The following CDC14A variants were observed in gnomAD, a reference collection of about 807,000 sequenced individuals.
CDC14A encodes the protein dual specificity protein phosphatase CDC14A.
Under a neutral mutation model 74.4 loss-of-function variants are expected in CDC14A, and 53 were observed. The observed-to-expected ratio is 0.71, with a 90% confidence interval of 0.57 to 0.89. The LOEUF (loss-of-function observed/expected upper bound fraction) is 0.89, where lower values mean the gene tolerates loss of function less well. Among genes scored for constraint, CDC14A ranks in the 40% least tolerant of loss-of-function variants. The probability of loss-of-function intolerance (pLI) is 0.00; values close to 1 mark genes in which losing one functional copy is unlikely to be tolerated. For missense variants in CDC14A, 646 were observed against 713.7 expected, an observed-to-expected ratio of 0.91 and a Z score of 1.08; for synonymous variants, 247 against 258.4, an observed-to-expected ratio of 0.96 and a Z score of 0.43.
At chr1:100,384,523 C>G (rs1348661358) in intron 3 of CDC14A, among the ~76,000 whole-genome samples, 1 of 152,112 alleles carries the variant, frequency 6.6e-6, no homozygotes, top group Non-Finnish European at 1.5e-5. Context: ...TATTCATTAG[C>G]CTTTGAGGTT....
intron 5 of CDC14A, among the ~76,000 whole-genome samples, chr1:100,435,665 C>T (rs769341955): frequency 5.3e-5 from 8 of 151,690 alleles, no homozygotes; most frequent in Non-Finnish European, 8.8e-5. Context: ...CCTGTCTCTA[C>T]GAAAAATACA....
chr1:100,465,160 A>C (rs929339075), intron 9 of CDC14A, among the ~76,000 whole-genome samples: 5 of 151,918 alleles, frequency 3.3e-5, no homozygotes, highest in Non-Finnish European at 7.4e-5. Context: ...TAACCTCAGG[A>C]GAATGTTGGC....
At chr1:100,427,952 G>C (rs1663154408) in intron 5 of CDC14A, among the ~76,000 whole-genome samples, 1 of 152,126 alleles carries the variant, frequency 6.6e-6, no homozygotes, top group Non-Finnish European at 1.5e-5. Context: ...TTCATGTTAG[G>C]ATGAAAACTG....
intron 2 of CDC14A, 90 bp downstream of exon 2, chr1:100,353,942 A>AT (rs1570934214): frequency 1.4e-6 from 1 of 713,530 alleles, no homozygotes; most frequent in East Asian, 2.7e-5. Flanking sequence ...AGTTTTATTC[A>AT]TTTCCCCCCC....
At chr1:100,434,808 C>T (rs575527896) in intron 5 of CDC14A, among the ~76,000 whole-genome samples, 37 of 152,134 alleles carry the variant, frequency 2.4e-4, no homozygotes, top group African/African-American at 8.0e-4. Context: ...TTAAGACACC[C>T]GAACGGAAAT....
At chr1:100,473,176 T>C (rs1668552533) in intron 10 of CDC14A, among the ~76,000 whole-genome samples, 1 of 152,112 alleles carries the variant, frequency 6.6e-6, no homozygotes, top group Admixed American at 6.5e-5. Context: ...TTTACTATTG[T>C]TGAGTCTTCT....
At chr1:100,455,011 G>C (rs1396959897) in intron 7 of CDC14A, among the ~76,000 whole-genome samples, 1 of 152,120 alleles carries the variant, frequency 6.6e-6, no homozygotes, top group Non-Finnish European at 1.5e-5. Context: ...GATATTTACA[G>C]ATGTTTTTTC....
At chr1:100,511,207 G>C (rs1649750205) in intron 15 of CDC14A, among the ~76,000 whole-genome samples, 2 of 152,288 alleles carry the variant, frequency 1.3e-5, no homozygotes, top group Admixed American at 1.3e-4. Flanking sequence ...CATCCAAGTT[G>C]GTAGGCTGGT....
chr1:100,356,355 A>G (rs1283170694), intron 2 of CDC14A, among the ~76,000 whole-genome samples: 1 of 152,156 alleles, frequency 6.6e-6, no homozygotes, highest in Non-Finnish European at 1.5e-5. Context: ...TTTCACAACA[A>G]TTCTGTGAGA....
chr1:100,484,877 A>T (rs11166458), intron 11 of CDC14A: 359,234 of 969,568 alleles, frequency 0.37, 69,610 homozygotes, highest in Non-Finnish European at 0.4. Context: ...GCACTTTTTT[A>T]AAAAAAAATT....
intron 2 of CDC14A, among the ~76,000 whole-genome samples, chr1:100,358,545 A>G (rs1652237275): frequency 6.6e-6 from 1 of 152,254 alleles, no homozygotes; most frequent in African/African-American, 2.4e-5. Context: ...AGAGCTCTTT[A>G]GGGAGAAACT....
At chr1:100,393,150 A>C in intron 4 of CDC14A, 1 of 1,529,062 alleles carries the variant, frequency 6.5e-7, no homozygotes. Flanking sequence ...TACTACAGAT[A>C]TCCAATTTGA....
chr1:100,350,336 G>A (rs1301249677), upstream of CDC14A, among the ~76,000 whole-genome samples: 1 of 152,066 alleles, frequency 6.6e-6, no homozygotes, highest in Non-Finnish European at 1.5e-5. Context: ...CAGGTGATCC[G>A]CAGGCCTTGG....
At chr1:100,465,428 T>C (rs1328088517) in intron 9 of CDC14A, among the ~76,000 whole-genome samples, 1 of 152,242 alleles carries the variant, frequency 6.6e-6, no homozygotes, top group Admixed American at 6.5e-5. Flanking sequence ...ACACCTTTGG[T>C]TTAATTACAG....
intron 8 of CDC14A, among the ~76,000 whole-genome samples, chr1:100,457,389 T>C (rs1201880022): frequency 6.6e-6 from 1 of 152,206 alleles, no homozygotes; most frequent in African/African-American, 2.4e-5. Flanking sequence ...CATGTAATCA[T>C]TTTCCACGAC....
chr1:100,394,717 C>A (rs1658226032), intron 4 of CDC14A, among the ~76,000 whole-genome samples: 1 of 152,134 alleles, frequency 6.6e-6, no homozygotes, highest in Non-Finnish European at 1.5e-5. Flanking sequence ...GGTCATGTCC[C>A]AATTGATTTT....
chr1:100,484,209 G>A (rs1479255180), intron 10 of CDC14A, 83 bp from the exon 11 acceptor site: 1 of 666,392 alleles, frequency 1.5e-6, no homozygotes, highest in African/African-American at 1.9e-5. Context: ...TCCTTTATAA[G>A]ACATCATACC....
rs746582205 is a variant in CDC14A, at chr1:100,499,233, T to C, written c.1726T>C (p.Ser576Pro). Reference sequence around the variant, plus strand: ...CTCCTACACCGGGCTTTCTTCTTCTTCAGCGAGATTCCTGAGCCGTTCTAT... The same window carrying C: ...CTCCTACACCGGGCTTTCTTCTTCTCCAGCGAGATTCCTGAGCCGTTCTAT... ...RPSYTGLSSS[S>P]ARFLSRSIPS... Residue 576 changes from serine to proline, a missense_variant, in exon 15 of 16, where the codon TCA becomes CCA. Physicochemically the swap from Ser to Pro is moderately conservative, Grantham distance 74. Coordinates refer to ENST00000336454, the MANE Select transcript of CDC14A (RefSeq NM_003672.4). The C allele has an allele frequency of 6.2e-7, 1 of 1,614,148 alleles. No individual in the cohort carries two copies. Among genetic ancestry groups the C allele is most frequent in the Non-Finnish European group, 8.5e-7 (1 of 1,180,020 alleles).
intron 4 of CDC14A, chr1:100,393,252 T>A (rs187040708): frequency 6.8e-7 from 1 of 1,479,282 alleles, no homozygotes; most frequent in East Asian, 2.3e-5. Flanking sequence ...CTTCTGAAGT[T>A]CTTTCTGTGC....
Sources: allele counts gnomAD v4.1 joint callset (sites outside exome capture counted in the v4.1 genomes callset), GRCh38; gene constraint gnomAD v4.1.1; transcripts MANE v1.5; gene names NCBI Gene and HGNC (gene_info 2026-07-23, HGNC 2026-07-21).